NAV3: variants seen among roughly 807,000 people sequenced by gnomAD.
NAV3 encodes the protein pore membrane and/or filament interacting like protein 1.
Under a neutral mutation model 244.7 loss-of-function variants are expected in NAV3, and 87 were observed. The ratio of observed to expected loss-of-function variants is 0.36; its 90% CI spans 0.30 to 0.42. NAV3 has a LOEUF of 0.42. NAV3 is among the 20% of genes least tolerant of loss of function. The pLI is 1.00. For synonymous variants in NAV3, 1,126 were observed against 1,042.2 expected (o/e 1.08, Z -1.55); for missense variants, 2,663 against 2,893.3 (o/e 0.92, Z 1.83).
intron 22 of NAV3, among the ~76,000 whole-genome samples, chr12:78,156,758 G>C (rs916407770): frequency 6.6e-6 from 1 of 152,066 alleles, no homozygotes; most frequent in Non-Finnish European, 1.5e-5. Context: ...TTAGGTTTTA[G>C]TAACCAATTT....
intron 18 of NAV3, among the ~76,000 whole-genome samples, chr12:78,133,474 A>T (rs1035226224): frequency 1.3e-5 from 2 of 151,530 alleles, no homozygotes; most frequent in Non-Finnish European, 1.5e-5. Flanking sequence ...TTTGACCATT[A>T]TCTTTTCTGA....
intron 2 of NAV3, among the ~76,000 whole-genome samples, chr12:77,668,056 G>T (rs1873798670): frequency 6.6e-6 from 1 of 152,146 alleles, no homozygotes; most frequent in Non-Finnish European, 1.5e-5. Context: ...GCTGCAGTTT[G>T]GCTCTCAGGA....
At chr12:77,748,380 A>T (rs10777392) in intron 2 of NAV3, among the ~76,000 whole-genome samples, 65,208 of 152,026 alleles carry the variant, frequency 0.43, 14,669 homozygotes, top group East Asian at 0.7. Flanking sequence ...TGACAAAAAT[A>T]AATGTATACA....
chr12:77,785,460 G>C (rs1481799760), intron 2 of NAV3, among the ~76,000 whole-genome samples: 2 of 152,056 alleles, frequency 1.3e-5, no homozygotes, highest in African/African-American at 4.8e-5. Context: ...TTCCTAAGAG[G>C]CATTAAGGTG....
chr12:77,713,092 G>A (rs1420653377), intron 2 of NAV3, among the ~76,000 whole-genome samples: 1 of 152,148 alleles, frequency 6.6e-6, no homozygotes, highest in Non-Finnish European at 1.5e-5. Context: ...GAGATTGCCA[G>A]GCCCAAGAAA....
At chr12:77,670,021 T>C (rs1040118016) in intron 2 of NAV3, among the ~76,000 whole-genome samples, 1 of 152,050 alleles carries the variant, frequency 6.6e-6, no homozygotes, top group African/African-American at 2.4e-5. Flanking sequence ...GCTGGTTCTT[T>C]CAAAAGGTAA....
chr12:77,842,696 T>A lies in NAV3; in HGVS notation c.243+10992T>A, dbSNP rs189726236. On this transcript the variant is annotated intron_variant, in intron 1 of 39. Transcript: ENST00000397909. ...GGGTCACCGAGTGGGAATGTGTGAA[T>A]GGATCACTGGAAAACTCAGCATCAA... 1.1e-4 allele frequency among the ~76,000 whole-genome samples: 17 copies of A among 152,044 alleles called. No homozygotes were observed. The East Asian group carries it at 3.3e-3, about 29-fold the overall frequency.
intron 12 of NAV3, among the ~76,000 whole-genome samples, chr12:78,081,502 G>A (rs183605075): frequency 6.6e-6 from 1 of 152,296 alleles, no homozygotes. Context: ...GCTCCTCCGA[G>A]CTTGAGTCAG....
chr12:77,680,065 A>G (rs1166152910), intron 2 of NAV3, among the ~76,000 whole-genome samples: 1 of 152,166 alleles, frequency 6.6e-6, no homozygotes, highest in Non-Finnish European at 1.5e-5. Flanking sequence ...TTTGAACAAT[A>G]GAGATTGCAT....
intron 8 of NAV3, among the ~76,000 whole-genome samples, chr12:78,017,092 T>C (rs1876351602): frequency 6.6e-6 from 1 of 152,184 alleles, no homozygotes; most frequent in African/African-American, 2.4e-5. Flanking sequence ...GGCAACTTAT[T>C]TGACCTCTAG....
chr12:77,916,250 T>C (rs1196137807), intron 1 of NAV3, among the ~76,000 whole-genome samples: 1 of 152,042 alleles, frequency 6.6e-6, no homozygotes, highest in Non-Finnish European at 1.5e-5. Flanking sequence ...CAAAAGGAAC[T>C]ATTTATTATT....
chr12:77,775,020 G>A (rs1201816957), intron 2 of NAV3, among the ~76,000 whole-genome samples: 2 of 152,154 alleles, frequency 1.3e-5, no homozygotes, highest in Non-Finnish European at 2.9e-5. Flanking sequence ...CTTGTATTAA[G>A]GATAAAATAA....
At chr12:77,994,944 CTTT>C in intron 6 of NAV3, 73 bp downstream of exon 6, 1 of 946,438 alleles carries the variant, frequency 1.1e-6, no homozygotes, top group Non-Finnish European at 1.5e-6. Context: ...TTTGTCCTAT[CTTT>C]TTTTTTTAAT....
At chr12:77,983,114 A>G (rs1167668267) in intron 5 of NAV3, among the ~76,000 whole-genome samples, 1 of 152,222 alleles carries the variant, frequency 6.6e-6, no homozygotes, top group Non-Finnish European at 1.5e-5. Flanking sequence ...TGTGAACTCT[A>G]TGCCTAGGAG....
intron 20 of NAV3, among the ~76,000 whole-genome samples, chr12:78,143,624 C>CAAAA (rs1565715557): frequency 1.1e-5 from 1 of 92,656 alleles, no homozygotes; most frequent in Non-Finnish European, 2.2e-5. Flanking sequence ...AACACTGTCT[C>CAAAA]AGAAAAAAAA....
intron 1 of NAV3, among the ~76,000 whole-genome samples, chr12:77,891,301 T>C (rs1048213652): frequency 2.0e-5 from 3 of 148,880 alleles, no homozygotes; most frequent in Non-Finnish European, 4.5e-5. Context: ...AATATAAATT[T>C]ATAAAGATAA....
intron 39 of NAV3, among the ~76,000 whole-genome samples, chr12:78,208,790 T>C: frequency 6.6e-6 from 1 of 152,204 alleles, no homozygotes; most frequent in East Asian, 1.9e-4. Context: ...AAAGATATCA[T>C]TTATCATTTC....
chr12:77,962,977 C>T (rs545794015), intron 3 of NAV3, among the ~76,000 whole-genome samples: 1 of 152,164 alleles, frequency 6.6e-6, no homozygotes, highest in East Asian at 1.9e-4. Context: ...ATTAAAATTT[C>T]ACCCAAATTT....
chr12:77,594,050 A>G (rs1870051432), intron 2 of NAV3, among the ~76,000 whole-genome samples: 1 of 152,176 alleles, frequency 6.6e-6, no homozygotes, highest in Non-Finnish European at 1.5e-5. Flanking sequence ...CTTAATGCCA[A>G]TGACTAAAAA....
Sources: gnomAD v4.1 joint callset for allele counts (sites outside exome capture counted in the v4.1 genomes callset) on GRCh38, gnomAD v4.1.1 for gene constraint, MANE v1.5 for transcripts, NCBI Gene and HGNC (gene_info 2026-07-23, HGNC 2026-07-21) for gene names.